The following VAT1L variants were observed in gnomAD, a reference collection of about 807,000 sequenced individuals.
VAT1L encodes putative NADPH-dependent quinone oxidoreductase VAT1L.
In VAT1L, 34 loss-of-function variants were observed where a neutral mutation model predicts 44.1. The ratio of observed to expected loss-of-function variants is 0.77; its 90% CI spans 0.59 to 1.03. The LOEUF (loss-of-function observed/expected upper bound fraction) is 1.03, where lower values mean the gene tolerates loss of function less well. Ranked by LOEUF, VAT1L falls within the 50% of genes least tolerant of loss-of-function variation. VAT1L has a pLI of 0.00. For missense variants in VAT1L, 615 were observed against 538.8 expected (o/e 1.14, Z -1.40); for synonymous variants, 253 against 202.2 (o/e 1.25, Z -2.13).
chr16:77,832,597 C>T (rs2016591974), intron 3 of VAT1L, among the ~76,000 whole-genome samples: 1 of 152,236 alleles, frequency 6.6e-6, no homozygotes, highest in Admixed American at 6.5e-5. Context: ...CTGATCACCA[C>T]AGCCTGGGCT....
chr16:77,957,782 TATA>T (rs1261841837), intron 7 of VAT1L, among the ~76,000 whole-genome samples: 11 of 148,664 alleles, frequency 7.4e-5, no homozygotes, highest in South Asian at 2.1e-4. Context: ...ATATAAAATT[TATA>T]ATAATAATAA....
At chr16:77,883,070 G>C (rs982809227) in intron 6 of VAT1L, among the ~76,000 whole-genome samples, 1 of 152,030 alleles carries the variant, frequency 6.6e-6, no homozygotes, top group African/African-American at 2.4e-5. Flanking sequence ...TTCTCCTAGT[G>C]ACACGAGCTT....
intron 7 of VAT1L, among the ~76,000 whole-genome samples, chr16:77,915,696 G>T (rs760456220): frequency 6.6e-6 from 1 of 152,238 alleles, no homozygotes; most frequent in Non-Finnish European, 1.5e-5. Flanking sequence ...GACCAAGCCT[G>T]TGGGAATGAA....
Position 77,879,225 on chromosome 16 carries a change from G to GT in VAT1L, c.882+2dup. ...GAGCTTCTTCAGCTTTGCAAAATCAGTAAGTATCCAGGCACATCTGATGTA... is the reference window on the plus strand; with the variant it reads ...GAGCTTCTTCAGCTTTGCAAAATCAGTTAAGTATCCAGGCACATCTGATGTA... On this transcript the variant is annotated splice_donor_variant, in intron 6 of 8. Transcript: ENST00000302536. LOFTEE classifies it high-confidence loss of function. This position sits in a 1 kb window ranked among gnomAD's most constrained non-coding sequence, Gnocchi z 4.1. 6.2e-7 allele frequency: 1 copy of GT among 1,614,082 alleles called. No homozygotes were observed. Among genetic ancestry groups the GT allele is most frequent in the African/African-American group, 1.3e-5 (1 of 75,050 alleles).
chr16:77,927,741 C>T (rs1307494746), intron 7 of VAT1L, among the ~76,000 whole-genome samples: 2 of 152,018 alleles, frequency 1.3e-5, no homozygotes, highest in African/African-American at 4.8e-5. Flanking sequence ...TGGTGGCACA[C>T]GCCTGTAGTC....
chr16:77,895,080 T>C lies in VAT1L; in HGVS notation c.1077+10278T>C, dbSNP rs889294691. Among the ~76,000 whole-genome samples, 28 of 90,414 alleles carry C rather than the reference T, an allele frequency of 3.1e-4. 1 individual carries two copies. Among genetic ancestry groups the C allele is most frequent in the Admixed American group, 1.1e-4 (1 of 8,742 alleles). The allele number at this position is 90,414 out of a possible 152,430, so 59.3% of individuals were successfully genotyped here. A position where few individuals can be genotyped will look rare whatever the true frequency, so the allele number is the denominator to read the frequency against. On this transcript the variant is annotated intron_variant, in intron 7 of 8. Coordinates refer to ENST00000302536, the MANE Select transcript of VAT1L (RefSeq NM_020927.3). ...GAATTTTAAATTTTTCAGTTCAACG[T>C]GATCACCCCAGCCACTTGCCCACAC... is the stretch of plus-strand genomic sequence containing the variant.
intron 7 of VAT1L, among the ~76,000 whole-genome samples, chr16:77,901,166 T>C (rs970463451): frequency 1.4e-5 from 2 of 141,976 alleles, no homozygotes; most frequent in African/African-American, 5.4e-5. Context: ...TTTTTTTTTT[T>C]TTTTTTTTTT....
At chr16:77,893,175 A>G (rs541094359) in intron 7 of VAT1L, among the ~76,000 whole-genome samples, 14 of 152,290 alleles carry the variant, frequency 9.2e-5, no homozygotes, top group Admixed American at 5.2e-4. Flanking sequence ...TGTCATGTAC[A>G]TAGTGGTTTG....
In VAT1L at chr16:77,862,762, T is replaced by A; in HGVS notation, c.594T>A (p.Ala198=). The A allele has an allele frequency of 1.2e-6, 2 of 1,613,732 alleles. No individual in the cohort carries two copies. Among genetic ancestry groups the A allele is most frequent in the Non-Finnish European group, 1.7e-6 (2 of 1,179,884 alleles). The change falls in exon 4 of 9, where the codon GCT becomes GCA. Residue 198 remains alanine (A), a synonymous_variant. Coordinates refer to ENST00000302536, the MANE Select transcript of VAT1L (RefSeq NM_020927.3). ...TTTCCTTCCAGGGTCAAGCTGTGGC[T>A]CAGCTGTGTTCCACTGTCCCCAACG... ...SAGGGVGQAV[A]QLCSTVPNVT...
intron 3 of VAT1L, among the ~76,000 whole-genome samples, chr16:77,859,259 C>G (rs1169425198): frequency 6.6e-6 from 1 of 152,044 alleles, no homozygotes; most frequent in East Asian, 1.9e-4. Flanking sequence ...ATGATTGAAC[C>G]ACTACACTCC....
At chr16:77,845,807 C>T (rs974147759) in intron 3 of VAT1L, among the ~76,000 whole-genome samples, 3 of 152,194 alleles carry the variant, frequency 2.0e-5, no homozygotes, top group East Asian at 1.9e-4. Context: ...AAGCCCCTCC[C>T]GCTCTTCTGC....
At chr16:77,898,279 A>G (rs1162251450) in intron 7 of VAT1L, among the ~76,000 whole-genome samples, 1 of 152,170 alleles carries the variant, frequency 6.6e-6, no homozygotes, top group Non-Finnish European at 1.5e-5. Flanking sequence ...TAAGGTTGCG[A>G]TGGAGTTGCT....
chr16:77,940,030 C>T (rs966444852), intron 7 of VAT1L, among the ~76,000 whole-genome samples: 5 of 152,138 alleles, frequency 3.3e-5, no homozygotes, highest in African/African-American at 1.2e-4. Context: ...AGGTTTTCCA[C>T]AGAAATTTTC....
chr16:77,879,129 T>G lies in VAT1L; in HGVS notation c.827-40T>G. 6.2e-7 allele frequency: 1 copy of G among 1,601,876 alleles called. No individual in the cohort carries two copies. On this transcript the variant is annotated intron_variant, in intron 5 of 8. Transcript: ENST00000302536. This position sits in a 1 kb window ranked among gnomAD's most constrained non-coding sequence, Gnocchi z 4.1. ...CATGCATAACAAGAGATGTCCATTT[T>G]CATTAGCAATTGCTTAATGTGGGAA...
At chr16:77,832,491 A>C (rs182998371) in intron 3 of VAT1L, among the ~76,000 whole-genome samples, 1 of 152,194 alleles carries the variant, frequency 6.6e-6, no homozygotes, top group Non-Finnish European at 1.5e-5. Context: ...TGGAAGAAGC[A>C]TTCCTGGATC....
intron 7 of VAT1L, among the ~76,000 whole-genome samples, chr16:77,918,225 A>G (rs969577060): frequency 6.6e-6 from 1 of 152,190 alleles, no homozygotes; most frequent in Non-Finnish European, 1.5e-5. Flanking sequence ...GGTGTCTCAG[A>G]GGCCAGGAAA....
intron 7 of VAT1L, among the ~76,000 whole-genome samples, chr16:77,905,436 G>A (rs549359780): frequency 6.6e-6 from 1 of 152,174 alleles, no homozygotes; most frequent in African/African-American, 2.4e-5. Flanking sequence ...TTTTTCAGAA[G>A]TTCCCTGAAG....
chr16:77,862,831 C>A lies in VAT1L; in HGVS notation c.663C>A (p.Ile221=), dbSNP rs977268876. Residue 221 remains isoleucine, a synonymous_variant, in exon 4 of 9, where the codon ATC becomes ATA. Coordinates refer to ENST00000302536, the MANE Select transcript of VAT1L (RefSeq NM_020927.3). ...GTASTFKHEA[I]KDSVTHLFDR... is the part of the protein sequence containing the mutation. ...CCTCTACTTTCAAGCATGAAGCAAT[C>A]AAAGACTCTGTGACCCACCTCTTTG... 6.2e-7 allele frequency: 1 copy of A among 1,614,050 alleles called. No homozygotes were observed. Among genetic ancestry groups the A allele is most frequent in the African/African-American group, 1.3e-5 (1 of 75,006 alleles).
chr16:77,975,537 C>T (rs558268362), intron 8 of VAT1L, among the ~76,000 whole-genome samples: 2 of 152,208 alleles, frequency 1.3e-5, no homozygotes, highest in South Asian at 4.1e-4. Context: ...CCTCACTCAG[C>T]CCCGAATCTG....
Sources: gnomAD v4.1 joint callset for allele counts (sites outside exome capture counted in the v4.1 genomes callset) on GRCh38, gnomAD v4.1.1 for gene constraint, Gnocchi (gnomAD v3.1) non-coding constraint, MANE v1.5 for transcripts, NCBI Gene and HGNC (gene_info 2026-07-23, HGNC 2026-07-21) for gene names.